Variants in SLC24A2 observed in about 807,000 individuals in gnomAD.
The protein encoded by SLC24A2 is solute carrier family 24 member 2.
SLC24A2 carries 36 observed loss-of-function variants against 62.0 expected under a neutral mutation model. The observed-to-expected ratio is 0.58, with a 90% CI of 0.44 to 0.77. The LOEUF (loss-of-function observed/expected upper bound fraction) is 0.77. SLC24A2 is among the 30% of genes least tolerant of loss of function. The pLI is 0.00. For missense variants in SLC24A2, 846 were observed against 817.9 expected (o/e 1.03, Z -0.42); for synonymous variants, 358 against 294.0 (o/e 1.22, Z -2.23).
intron 7 of SLC24A2, among the ~76,000 whole-genome samples, chr9:19,553,823 A>C (rs1467435962): frequency 6.6e-6 from 1 of 152,212 alleles, no homozygotes; most frequent in African/African-American, 2.4e-5. Flanking sequence ...GATTCCAAAG[A>C]ATTACTGCAG....
chr9:20,131,895 G>T, the SLC24A2 span, among the ~76,000 whole-genome samples: 1 of 152,126 alleles, frequency 6.6e-6, no homozygotes, highest in Non-Finnish European at 1.5e-5. Flanking sequence ...TGTAGCTAAT[G>T]GGGTGCATAA....
chr9:19,605,253 T>A (rs1373898978), intron 4 of SLC24A2, among the ~76,000 whole-genome samples: 1 of 152,192 alleles, frequency 6.6e-6, no homozygotes, highest in Non-Finnish European at 1.5e-5. Context: ...AGAGAATAAA[T>A]GCTTCTGTAG....
chr9:20,283,751 AGGG>A, the SLC24A2 span, among the ~76,000 whole-genome samples: 35 of 80,014 alleles, frequency 4.4e-4, no homozygotes, highest in Admixed American at 7.1e-4. Flanking sequence ...AGAAAAAAAA[AGGG>A]GGGGGGGGGC....
chr9:19,526,668 C>G (rs1241174039), intron 9 of SLC24A2, among the ~76,000 whole-genome samples: 1 of 152,138 alleles, frequency 6.6e-6, no homozygotes, highest in African/African-American at 2.4e-5. Context: ...AATATCTGTT[C>G]AGATCTTCAA....
the SLC24A2 span, among the ~76,000 whole-genome samples, chr9:19,812,034 A>T: frequency 2.0e-5 from 3 of 152,120 alleles, no homozygotes; most frequent in Admixed American, 1.3e-4. Context: ...ATTTCACTGG[A>T]TATACAGTTT....
At chr9:19,865,143 T>C in the SLC24A2 span, among the ~76,000 whole-genome samples, 1 of 152,094 alleles carries the variant, frequency 6.6e-6, no homozygotes, top group South Asian at 2.1e-4. Flanking sequence ...GAAAAATCTC[T>C]ATAATGAAAA....
intron 2 of SLC24A2, among the ~76,000 whole-genome samples, chr9:19,676,277 T>C (rs1819557790): frequency 1.3e-5 from 2 of 152,200 alleles, no homozygotes; most frequent in South Asian, 4.1e-4. Context: ...GGTCTGTAGA[T>C]TCTCTTGGCT....
the SLC24A2 span, among the ~76,000 whole-genome samples, chr9:19,874,079 T>TC: frequency 0.055 from 2,339 of 42,882 alleles, 25 homozygotes; most frequent in African/African-American, 0.11. Flanking sequence ...TCTTTTCTTT[T>TC]TTTTTTTTTT....
intron 8 of SLC24A2, among the ~76,000 whole-genome samples, chr9:19,531,438 C>T (rs930094304): frequency 3.3e-5 from 5 of 152,152 alleles, no homozygotes; most frequent in Admixed American, 2.0e-4. Flanking sequence ...GGACCTCATA[C>T]TAATTAGCAA....
At chr9:20,283,858 T>G in the SLC24A2 span, among the ~76,000 whole-genome samples, 1 of 152,204 alleles carries the variant, frequency 6.6e-6, no homozygotes, top group African/African-American at 2.4e-5. Flanking sequence ...CCCTCTGGAA[T>G]TGAGCAGGCA....
chr9:19,910,339 C>G, the SLC24A2 span, among the ~76,000 whole-genome samples: 1 of 152,148 alleles, frequency 6.6e-6, no homozygotes. Context: ...TCCATCTCTA[C>G]TGCCATGTTT....
the SLC24A2 span, among the ~76,000 whole-genome samples, chr9:20,002,980 T>C: frequency 6.6e-6 from 1 of 152,218 alleles, no homozygotes; most frequent in South Asian, 2.1e-4. Context: ...TAATGGTCTG[T>C]TGTCAGCATC....
At chr9:20,012,203 C>T in the SLC24A2 span, among the ~76,000 whole-genome samples, 1 of 152,260 alleles carries the variant, frequency 6.6e-6, no homozygotes, top group East Asian at 1.9e-4. Flanking sequence ...GGGCAATTTA[C>T]AAAAGAAAGA....
At chr9:20,080,497 C>A in the SLC24A2 span, among the ~76,000 whole-genome samples, 12,261 of 151,788 alleles carry the variant, frequency 0.081, 875 homozygotes, top group African/African-American at 0.19. Context: ...TAAAGACTTA[C>A]ATGTTAGACC....
chr9:19,862,864 G>T, the SLC24A2 span, among the ~76,000 whole-genome samples: 2 of 151,606 alleles, frequency 1.3e-5, no homozygotes, highest in Non-Finnish European at 2.9e-5. Flanking sequence ...TAAAAAGCAA[G>T]AAATTAAATC....
chr9:19,653,155 A>T (rs73428372), intron 2 of SLC24A2, among the ~76,000 whole-genome samples: 1 of 152,196 alleles, frequency 6.6e-6, no homozygotes, highest in Non-Finnish European at 1.5e-5. Context: ...CCTTGAGGAC[A>T]GAGGCCTTTT....
intron 8 of SLC24A2, among the ~76,000 whole-genome samples, chr9:19,534,828 T>C (rs1317911218): frequency 6.6e-6 from 1 of 152,210 alleles, no homozygotes; most frequent in Admixed American, 6.5e-5. Context: ...TATGTGTACA[T>C]GTGTCTTTAT....
In SLC24A2 at chr9:19,567,442, A is replaced by C. The variant is rs1389509532; in HGVS notation, c.1347+5909T>G. On this transcript the variant is annotated intron_variant, in intron 7 of 10. Transcript: ENST00000341998. The stretch of plus-strand genomic sequence containing the variant: ...GCGCCTGTAGTCCCAGCTACTTGGG[A>C]GGCTGAGGCAGGAGAATGGCGTGAA... Among the ~76,000 whole-genome samples, 3 of 149,192 alleles carry C rather than the reference A, an allele frequency of 2.0e-5. No homozygotes were observed. The Admixed American group carries it at 2.0e-4, about 10-fold the overall frequency.
the SLC24A2 span, among the ~76,000 whole-genome samples, chr9:19,813,826 C>G: frequency 1.3e-5 from 2 of 152,052 alleles, no homozygotes; most frequent in African/African-American, 4.8e-5. Flanking sequence ...TCCTTTCCAC[C>G]ATGTGAGGAC....
Sources: allele counts gnomAD v4.1 joint callset (sites outside exome capture counted in the v4.1 genomes callset), GRCh38; gene constraint gnomAD v4.1.1; transcripts MANE v1.5; gene names NCBI Gene and HGNC (gene_info 2026-07-23, HGNC 2026-07-21).